NOP2: variants seen among roughly 807,000 people sequenced by gnomAD.
The protein encoded by NOP2 is NOP2 nucleolar protein.
In NOP2, 7 loss-of-function variants were observed where a neutral mutation model predicts 72.7. That is an observed-to-expected ratio of 0.10 (90% CI 0.05 to 0.18). NOP2 has a LOEUF of 0.18. Among genes scored for constraint, NOP2 ranks in the 10% least tolerant of loss-of-function variants. The pLI is 1.00. For missense variants in NOP2, 954 were observed against 1,014.7 expected (o/e 0.94, Z 0.81); for synonymous variants, 387 against 388.0 (o/e 1.00, Z 0.03).
chr12:6,562,121 G>A lies in NOP2; in HGVS notation c.979-150C>T, dbSNP rs1318270557. On this transcript the variant is annotated intron_variant, in intron 9 of 15. Transcript: ENST00000322166. ...CTCTCGTGCCTCAGCCTCCTGAGTA[G>A]CTGGGACAACGGGCATGTACCACCA... 4.6e-6 allele frequency: 3 copies of A among 651,328 alleles called. No homozygotes were observed. In the East Asian group the frequency reaches 8.2e-5, roughly 18 times the overall value. 40.3% of individuals were successfully genotyped at this position (651,328 alleles called of 1,614,324 possible). A position where few individuals can be genotyped will look rare whatever the true frequency, so the allele number is the denominator to read the frequency against.
Position 6,567,820 on chromosome 12 carries a change from A to G in NOP2, c.99T>C (p.Pro33=). The stretch of plus-strand genomic sequence containing the variant: ...GAGGCCACAACTAATCCTTACCTGC[A>G]GGCAAGAATCTGACGAGTTCTGTCT... ...GAETELVRFL[P]AVSDENSKRL... Residue 33 remains proline (P), a synonymous_variant, in exon 2 of 16, where the codon CCT becomes CCC. Coordinates refer to ENST00000322166, the MANE Select transcript of NOP2 (RefSeq NM_001258308.2). 11 of 1,613,646 alleles carry G rather than the reference A, an allele frequency of 6.8e-6. No individual in the cohort carries two copies. Among genetic ancestry groups the G allele is most frequent in the Non-Finnish European group, 7.6e-6 (9 of 1,179,520 alleles).
intron 5 of NOP2, 72 bp downstream of exon 5, chr12:6,566,029 A>C (rs1947770351): frequency 7.7e-7 from 1 of 1,293,158 alleles, no homozygotes; most frequent in African/African-American, 1.5e-5. Context: ...ACTAAGAAAC[A>C]GTCTCAAGAA....
chr12:6,566,904 G>A, intron 2 of NOP2, 82 bp from the exon 3 acceptor site: 2 of 1,097,902 alleles, frequency 1.8e-6, no homozygotes, highest in Middle Eastern at 2.0e-4. Context: ...CATGGTAAGA[G>A]AATTAGTACA....
At chr12:6,558,332 G>T (rs1013644675) in intron 15 of NOP2, among the ~76,000 whole-genome samples, 1 of 151,646 alleles carries the variant, frequency 6.6e-6, no homozygotes, top group South Asian at 2.1e-4. Flanking sequence ...GAGTGCAGTG[G>T]TGTGATCTCG....
Position 6,560,945 on chromosome 12 carries a change from G to T in NOP2, c.1333C>A (p.Arg445Ser), listed in dbSNP as rs749232742. ...TCGAGTCTCACCTTGGGGAACTGGC[G>T]CCCATCATAGTGGCTGATAATGGTG... ...TNTIISHYDG[R>S]QFPKVVGGFD... Residue 445 changes from arginine to serine, a missense_variant, in exon 12 of 16, where the codon CGC (arginine) becomes AGC (serine). Physicochemically the swap from Arg to Ser is moderately radical, Grantham distance 110. Around this residue, in one of 3 missense-constraint regions of NOP2, gnomAD observed 187 missense variants for 276.2 expected, o/e 0.68. Coordinates refer to ENST00000322166, the MANE Select transcript of NOP2 (RefSeq NM_001258308.2). This position sits in a 1 kb window ranked among gnomAD's most constrained non-coding sequence, Gnocchi z 5.0. 1 of 1,613,702 alleles carries T rather than the reference G, an allele frequency of 6.2e-7. No homozygotes were observed. The highest frequency in any genetic ancestry group is 1.7e-5 in the Admixed American group (1 of 59,958).
chr12:6,557,612 A>G lies in NOP2; in HGVS notation c.1820T>C (p.Val607Ala). The G allele has an allele frequency of 1.2e-6, 2 of 1,613,260 alleles. No homozygotes were observed. Among genetic ancestry groups the G allele is most frequent in the Non-Finnish European group, 8.5e-7 (1 of 1,179,554 alleles). The change falls in exon 16 of 16, where the codon GTA becomes GCA. Residue 607 changes from valine to alanine, a missense_variant. Val to Ala is a moderately conservative substitution (Grantham distance 64). Around this residue, in one of 3 missense-constraint regions of NOP2, gnomAD observed 269 missense variants for 260.2 expected, o/e 1.03. Coordinates refer to ENST00000322166, the MANE Select transcript of NOP2 (RefSeq NM_001258308.2). ...CTTGGGGATGACCTGAGGCAAGTCT[A>G]CATTTGTAGGTGTGGCTGTTTCAGA... is the stretch of plus-strand genomic sequence containing the variant. ...GNSETATPTN[V>A]DLPQVIPKSE...
intron 5 of NOP2, chr12:6,564,307 T>C: frequency 4.2e-6 from 1 of 239,692 alleles, no homozygotes; most frequent in Non-Finnish European, 8.4e-6. Flanking sequence ...AAGTAATAAA[T>C]TAAAGGGTTC....
At position 6,560,026 on chromosome 12, in the gene NOP2, G is replaced by T; in HGVS notation, c.1789+72C>A. 1.8e-6 allele frequency: 2 copies of T among 1,131,422 alleles called. No individual in the cohort carries two copies. The highest frequency in any genetic ancestry group is 2.6e-6 in the Non-Finnish European group (2 of 758,688). 70.1% of individuals were successfully genotyped at this position (1,131,422 alleles called of 1,614,324 possible). On this transcript the variant is annotated intron_variant, in intron 15 of 15. Transcript: ENST00000322166. The surrounding 1 kb of genome is among the most constrained non-coding windows in gnomAD (Gnocchi z 5.0). ...TGAATCTTTCCTTTCCCTTCCTCTT[G>T]TCACACCATAAAGCCTCCTGAAAGG...
At chr12:6,559,244 G>A (rs1039273363) in intron 15 of NOP2, among the ~76,000 whole-genome samples, 12 of 152,172 alleles carry the variant, frequency 7.9e-5, no homozygotes, top group Admixed American at 3.3e-4. Context: ...TCAGCCTCCC[G>A]AGTAGCTGGG....
Position 6,567,832 on chromosome 12 carries a change from G to A in NOP2, c.87C>T (p.Val29=), listed in dbSNP as rs756172657. The change falls in exon 2 of 16, where the codon GTC becomes GTT. Residue 29 remains valine (V), a synonymous_variant. Coordinates refer to ENST00000322166, the MANE Select transcript of NOP2 (RefSeq NM_001258308.2). ...RKQKGAETEL[V]RFLPAVSDEN... ...AATCCTTACCTGCAGGCAAGAATCTGACGAGTTCTGTCTCGGCACCCTTCT... is the reference window on the plus strand; with the variant it reads ...AATCCTTACCTGCAGGCAAGAATCTAACGAGTTCTGTCTCGGCACCCTTCT... 1.2e-6 allele frequency: 2 copies of A among 1,614,006 alleles called. No homozygotes were observed. Among genetic ancestry groups the A allele is most frequent in the South Asian group, 2.2e-5 (2 of 91,084 alleles).
chr12:6,557,906 G>T, intron 15 of NOP2: 1 of 444,516 alleles, frequency 2.2e-6, no homozygotes, highest in Non-Finnish European at 4.0e-6. Flanking sequence ...ACTTTGGGAG[G>T]CCAAGGCAAG....
At chr12:6,559,517 C>T (rs1162153030) in intron 15 of NOP2, among the ~76,000 whole-genome samples, 4 of 152,278 alleles carry the variant, frequency 2.6e-5, no homozygotes, top group Middle Eastern at 3.4e-3. Flanking sequence ...TGAGCCACCA[C>T]GCCCAGACAA....
intron 15 of NOP2, among the ~76,000 whole-genome samples, chr12:6,559,105 G>A (rs975484374): frequency 1.3e-5 from 2 of 150,090 alleles, no homozygotes; most frequent in East Asian, 2.0e-4. Flanking sequence ...CTACAGGCAC[G>A]TACCACCACA....
intron 7 of NOP2, 32 bp from the exon 8 acceptor site, chr12:6,563,546 C>T: frequency 1.9e-6 from 3 of 1,610,556 alleles, no homozygotes; most frequent in Admixed American, 3.3e-5. Context: ...GTCATGATGT[C>T]CTAAGGCCTG....
rs752667415 is a variant in NOP2, at chr12:6,563,787, G to A, written c.531-16C>T. The A allele has an allele frequency of 3.7e-6, 6 of 1,613,010 alleles. No individual in the cohort carries two copies. Among genetic ancestry groups the A allele is most frequent in the Non-Finnish European group, 5.1e-6 (6 of 1,179,450 alleles). On this transcript the variant is annotated splice_polypyrimidine_tract_variant and intron_variant, in intron 6 of 15. Coordinates refer to ENST00000322166, the MANE Select transcript of NOP2 (RefSeq NM_001258308.2). ...CCACTGGATCCTAGAAACAGGTCCAGGAACAGAGTGATTCACAGACCAAAA... is the reference window on the plus strand; with the variant it reads ...CCACTGGATCCTAGAAACAGGTCCAAGAACAGAGTGATTCACAGACCAAAA...
chr12:6,557,438 G>A lies in NOP2; in HGVS notation c.1994C>T (p.Pro665Leu), dbSNP rs1483367357. 1.2e-6 allele frequency: 2 copies of A among 1,614,048 alleles called. No individual in the cohort carries two copies. The highest frequency in any genetic ancestry group is 2.2e-5 in the East Asian group (1 of 44,886). ...GGAAGCTTGGGTCTTTGTGACAGAA[G>A]GTACAGTGGACAATTCTGAGTCTGC... ...KGADSELSTV[P>L]SVTKTQASSS... Residue 665 changes from proline (P) to leucine (L), a missense_variant, in exon 16 of 16, where the codon CCT becomes CTT. Pro to Leu is a moderately conservative substitution (Grantham distance 98, BLOSUM62 -3). Coordinates refer to ENST00000322166, the MANE Select transcript of NOP2 (RefSeq NM_001258308.2).
At position 6,557,555 on chromosome 12, in the gene NOP2, G is replaced by T; in HGVS notation, c.1877C>A (p.Ala626Asp). ...CTGCTTTGTCTTTGCAGCCCCCTTG[G>T]CTTTCTTGGCTGGCTGGCTGCTGTT... ...SENSSQPAKKAKGAAKTKQQL... is the reference protein window; with the variant it reads ...SENSSQPAKKDKGAAKTKQQL... The change falls in exon 16 of 16, where the codon GCC (alanine) becomes GAC (aspartate). Residue 626 changes from alanine to aspartate, a missense_variant. Physicochemically the swap from Ala to Asp is moderately radical, Grantham distance 126. Coordinates refer to ENST00000322166, the MANE Select transcript of NOP2 (RefSeq NM_001258308.2). 6.2e-7 allele frequency: 1 copy of T among 1,613,914 alleles called. No homozygotes were observed. The highest frequency in any genetic ancestry group is 8.5e-7 in the Non-Finnish European group (1 of 1,179,876).
At chr12:6,562,865 T>C (rs1379356496) in intron 9 of NOP2, among the ~76,000 whole-genome samples, 1 of 152,196 alleles carries the variant, frequency 6.6e-6, no homozygotes, top group African/African-American at 2.4e-5. Context: ...CTCATCATCC[T>C]AGTCACAGGG....
At chr12:6,566,897 G>A in intron 2 of NOP2, 75 bp from the exon 3 acceptor site, 2 of 1,234,752 alleles carry the variant, frequency 1.6e-6, no homozygotes, top group African/African-American at 1.5e-5. Flanking sequence ...AAATAAACAT[G>A]GTAAGAGAAT....
Sources: allele counts gnomAD v4.1 joint callset (sites outside exome capture counted in the v4.1 genomes callset), GRCh38; gene constraint gnomAD v4.1.1; regional missense constraint gnomAD v4.1.1; non-coding constraint Gnocchi (gnomAD v3.1); transcripts MANE v1.5; gene names NCBI Gene and HGNC (gene_info 2026-07-23, HGNC 2026-07-21).